Variants in DAB1 observed in about 807,000 individuals in gnomAD.
DAB1 encodes DAB adaptor protein 1.
In DAB1, 15 loss-of-function variants were observed where a neutral mutation model predicts 64.6. That is an observed-to-expected ratio of 0.23 (90% CI 0.16 to 0.36). DAB1 has a LOEUF of 0.36. Ranked by LOEUF, DAB1 falls within the 10% of genes least tolerant of loss-of-function variation. The pLI is 1.00. For missense variants in DAB1, 596 were observed against 706.7 expected, an observed-to-expected ratio of 0.84 and a Z score of 1.78; for synonymous variants, 235 against 251.9, an observed-to-expected ratio of 0.93 and a Z score of 0.64.
chr1:57,233,254 T>C (rs926290288), intron 2 of DAB1, among the ~76,000 whole-genome samples: 2 of 104,684 alleles, frequency 1.9e-5, no homozygotes, highest in Non-Finnish European at 4.0e-5. Flanking sequence ...TTGCTCCGAT[T>C]CTTTTTTTTT....
intron 6 of DAB1, among the ~76,000 whole-genome samples, chr1:57,705,877 T>TG (rs1019113903): frequency 6.7e-6 from 1 of 149,502 alleles, no homozygotes; most frequent in African/African-American, 2.5e-5. Flanking sequence ...TACTAGGGTT[T>TG]TTTTTTTTTT....
intron 2 of DAB1, among the ~76,000 whole-genome samples, chr1:57,241,554 C>T (rs1998738): frequency 6.6e-6 from 1 of 152,084 alleles, no homozygotes; most frequent in Non-Finnish European, 1.5e-5. Flanking sequence ...GTCTGGACAT[C>T]GAAATAATAA....
chr1:57,469,019 T>A (rs998237739), intron 7 of DAB1, among the ~76,000 whole-genome samples: 1 of 152,210 alleles, frequency 6.6e-6, no homozygotes, highest in African/African-American at 2.4e-5. Context: ...AGTGATAAGA[T>A]GAAATTGCTC....
intron 4 of DAB1, among the ~76,000 whole-genome samples, chr1:58,190,857 C>T (rs578131030): frequency 1.8e-4 from 28 of 152,274 alleles, no homozygotes; most frequent in African/African-American, 3.1e-4. Context: ...TATTCCAAGG[C>T]GGAGAACCGT....
chr1:58,004,803 A>G (rs570558576), intron 5 of DAB1, among the ~76,000 whole-genome samples: 2 of 152,292 alleles, frequency 1.3e-5, no homozygotes, highest in East Asian at 1.9e-4. Flanking sequence ...TGCCTACCAC[A>G]GAGAGGCACT....
intron 12 of DAB1, among the ~76,000 whole-genome samples, chr1:57,013,807 G>T (rs1315916377): frequency 2.6e-5 from 4 of 152,162 alleles, no homozygotes; most frequent in Non-Finnish European, 5.9e-5. Context: ...GTGCTCAAGT[G>T]TATCTGGATT....
chr1:58,104,586 C>T (rs887966499), intron 5 of DAB1, among the ~76,000 whole-genome samples: 1 of 152,150 alleles, frequency 6.6e-6, no homozygotes, highest in African/African-American at 2.4e-5. Flanking sequence ...GGTTCAGAAA[C>T]AAATTACCAC....
chr1:57,349,389 C>T (rs376104843), intron 1 of DAB1, among the ~76,000 whole-genome samples: 3 of 151,994 alleles, frequency 2.0e-5, no homozygotes, highest in Non-Finnish European at 2.9e-5. Flanking sequence ...TTAGCACCCA[C>T]GCTGACTGAG....
chr1:57,057,362 T>A (rs1649875485), intron 9 of DAB1, among the ~76,000 whole-genome samples: 1 of 152,122 alleles, frequency 6.6e-6, no homozygotes, highest in African/African-American at 2.4e-5. Flanking sequence ...TATATAAAAT[T>A]TTAATTTTTA....
rs1175362448 is a variant in DAB1, at chr1:57,198,661, A to T, written c.68-53232T>A. 3.9e-3 allele frequency among the ~76,000 whole-genome samples: 415 copies of T among 105,082 alleles called. 2 individuals carry two copies. Among genetic ancestry groups the T allele is most frequent in the African/African-American group, 5.1e-3 (139 of 27,346 alleles). The allele number at this position is 105,082 out of a possible 152,430, so 68.9% of individuals were successfully genotyped here. ...CATCTTCTCTCTCTCACACACACAC[A>T]CACACACACACACACACACACACAC... is the stretch of plus-strand genomic sequence containing the variant. On this transcript the variant is annotated intron_variant, in intron 2 of 14. Transcript: ENST00000371236.
chr1:57,937,831 C>A (rs1026323187), intron 5 of DAB1, among the ~76,000 whole-genome samples: 2 of 152,190 alleles, frequency 1.3e-5, no homozygotes, highest in African/African-American at 4.8e-5. Flanking sequence ...GCAGGCCCTG[C>A]AGTTCCCCTG....
intron 14 of DAB1, among the ~76,000 whole-genome samples, chr1:57,000,505 T>C (rs1270798170): frequency 6.6e-6 from 1 of 152,206 alleles, no homozygotes; most frequent in Non-Finnish European, 1.5e-5. Flanking sequence ...AAATCAAATG[T>C]AGCAAAATCT....
intron 1 of DAB1, among the ~76,000 whole-genome samples, chr1:57,421,119 G>A (rs1407038842): frequency 6.6e-6 from 1 of 152,180 alleles, no homozygotes; most frequent in Non-Finnish European, 1.5e-5. Context: ...CAGGTACCAA[G>A]CCAAACACTC....
chr1:58,490,272 G>A (rs1427187020), intron 3 of DAB1, among the ~76,000 whole-genome samples: 2 of 152,190 alleles, frequency 1.3e-5, no homozygotes, highest in Non-Finnish European at 2.9e-5. Flanking sequence ...TGAAAACCAT[G>A]GCACAAGAAC....
chr1:57,114,709 C>T (rs941729086), intron 4 of DAB1, among the ~76,000 whole-genome samples: 3 of 152,180 alleles, frequency 2.0e-5, no homozygotes, highest in Non-Finnish European at 2.9e-5. Context: ...TGTTTGCCTT[C>T]CCAAAGCAAG....
chr1:57,695,148 G>T (rs184033949), intron 6 of DAB1, among the ~76,000 whole-genome samples: 1 of 151,332 alleles, frequency 6.6e-6, no homozygotes, highest in South Asian at 2.1e-4. Context: ...GGCTTGAGCC[G>T]GGGAGGTAGA....
intron 5 of DAB1, among the ~76,000 whole-genome samples, chr1:57,998,665 A>T (rs897475717): frequency 2.6e-5 from 4 of 152,132 alleles, no homozygotes; most frequent in African/African-American, 7.2e-5. Flanking sequence ...TCCCAGTTTT[A>T]ATGTGACAAA....
chr1:58,219,025 C>CTCTCTCTCTCTCTCTG (rs376130413), intron 4 of DAB1, among the ~76,000 whole-genome samples: 4,234 of 129,246 alleles, frequency 0.033, 115 homozygotes, highest in Admixed American at 0.05. Context: ...CTCTCTCTCT[C>CTCTCTCTCTCTCTCTG]TGTGTGTGTG....
chr1:57,950,335 A>C (rs1645253775), intron 5 of DAB1, among the ~76,000 whole-genome samples: 1 of 152,104 alleles, frequency 6.6e-6, no homozygotes, highest in African/African-American at 2.4e-5. Flanking sequence ...ATCCTTAATA[A>C]ATGTTAGCAA....
Sources: allele counts gnomAD v4.1 joint callset (sites outside exome capture counted in the v4.1 genomes callset), GRCh38; gene constraint gnomAD v4.1.1; transcripts MANE v1.5; gene names NCBI Gene and HGNC (gene_info 2026-07-23, HGNC 2026-07-21).